Variants in DENND1A observed in about 807,000 individuals in gnomAD.
DENND1A encodes the protein DENN domain-containing protein 1A.
A neutral mutation model predicts 113.7 loss-of-function variants in DENND1A; 51 were observed. The ratio of observed to expected loss-of-function variants is 0.45; its 90% CI spans 0.36 to 0.57. The LOEUF (loss-of-function observed/expected upper bound fraction) is 0.57. Ranked by LOEUF, DENND1A falls within the 20% of genes least tolerant of loss-of-function variation. The pLI, the probability that DENND1A is intolerant of heterozygous loss-of-function variation, is 0.00. For missense variants in DENND1A, 1,258 were observed against 1,395.9 expected (o/e 0.90, Z 1.57); for synonymous variants, 565 against 570.8 (o/e 0.99, Z 0.14).
Position 123,717,129 on chromosome 9 carries a change from C to A in DENND1A, c.303-40340G>T, listed in dbSNP as rs546245409. Among the ~76,000 whole-genome samples, 4 of 152,216 alleles carry A rather than the reference C, an allele frequency of 2.6e-5. No homozygotes were observed. In the South Asian group the frequency reaches 8.3e-4, roughly 32 times the overall value. ...AAATTTATTTGAGAGACCCGGTGGCCAGGCAACCCAGATACTACTATCAGA... is the reference window on the plus strand; with the variant it reads ...AAATTTATTTGAGAGACCCGGTGGCAAGGCAACCCAGATACTACTATCAGA... On this transcript the variant is annotated intron_variant, in intron 5 of 23. Coordinates refer to ENST00000394215, the MANE Select transcript of DENND1A (RefSeq NM_001352964.2).
intron 9 of DENND1A, among the ~76,000 whole-genome samples, chr9:123,638,263 A>G (rs573100914): frequency 1.3e-5 from 2 of 152,312 alleles, no homozygotes; most frequent in South Asian, 4.1e-4. Context: ...CACACTGTAA[A>G]TAAGCCCACA....
intron 5 of DENND1A, among the ~76,000 whole-genome samples, chr9:123,748,647 G>T (rs768392425): frequency 6.6e-6 from 1 of 152,164 alleles, no homozygotes; most frequent in East Asian, 1.9e-4. Context: ...TAGGAGTGAG[G>T]TGTATTTTGA....
At chr9:123,774,093 T>C (rs1830123709) in intron 3 of DENND1A, among the ~76,000 whole-genome samples, 1 of 152,166 alleles carries the variant, frequency 6.6e-6, no homozygotes, top group Non-Finnish European at 1.5e-5. Flanking sequence ...TTTCAAAATG[T>C]AGGTGTGTGA....
intron 2 of DENND1A, among the ~76,000 whole-genome samples, chr9:123,805,678 C>A (rs1835424190): frequency 6.6e-6 from 1 of 152,030 alleles, no homozygotes; most frequent in South Asian, 2.1e-4. Flanking sequence ...AAGTGACCTG[C>A]CCACCTTGAC....
At chr9:123,611,286 C>T (rs1480919037) in intron 10 of DENND1A, among the ~76,000 whole-genome samples, 2 of 151,998 alleles carry the variant, frequency 1.3e-5, no homozygotes, top group South Asian at 2.1e-4. Flanking sequence ...AACTGTAAAC[C>T]ATTAGTTTAG....
intron 1 of DENND1A, among the ~76,000 whole-genome samples, chr9:123,923,331 G>A (rs1564514794): frequency 1.3e-5 from 2 of 152,302 alleles, no homozygotes; most frequent in South Asian, 2.1e-4. Context: ...GAGCACTAAC[G>A]ATGGAGAGCT....
intron 1 of DENND1A, among the ~76,000 whole-genome samples, chr9:123,922,373 T>C (rs1856416965): frequency 6.6e-6 from 1 of 152,206 alleles, no homozygotes; most frequent in Non-Finnish European, 1.5e-5. Flanking sequence ...AAAGTGAGCA[T>C]ACATCTGATA....
intron 13 of DENND1A, among the ~76,000 whole-genome samples, chr9:123,543,753 G>A (rs556036544): frequency 8.9e-4 from 136 of 152,278 alleles, no homozygotes; most frequent in African/African-American, 3.0e-3. Context: ...AAGCTTCCCC[G>A]CAGCACCCAA....
chr9:123,717,464 G>A (rs777213042), intron 5 of DENND1A, among the ~76,000 whole-genome samples: 16 of 152,230 alleles, frequency 1.1e-4, no homozygotes, highest in Non-Finnish European at 1.9e-4. Context: ...AGATTACACA[G>A]TTACTGGGTA....
intron 10 of DENND1A, among the ~76,000 whole-genome samples, chr9:123,615,993 G>A (rs1023320137): frequency 7.9e-5 from 12 of 152,114 alleles, no homozygotes; most frequent in African/African-American, 2.4e-4. Flanking sequence ...GCAGTGGTGC[G>A]ATCTTGGCCC....
chr9:123,800,229 G>A (rs1393247834), intron 2 of DENND1A, among the ~76,000 whole-genome samples: 1 of 152,226 alleles, frequency 6.6e-6, no homozygotes, highest in African/African-American at 2.4e-5. Flanking sequence ...AGGTGAATCT[G>A]TATAAATTGA....
chr9:123,823,808 G>C (rs1300167853), intron 2 of DENND1A, among the ~76,000 whole-genome samples: 4 of 152,122 alleles, frequency 2.6e-5, no homozygotes, highest in Non-Finnish European at 5.9e-5. Flanking sequence ...AGGTGAGTGA[G>C]TATGTAAGAC....
At chr9:123,890,090 C>G (rs1849682538) in intron 1 of DENND1A, among the ~76,000 whole-genome samples, 1 of 152,156 alleles carries the variant, frequency 6.6e-6, no homozygotes, top group African/African-American at 2.4e-5. Flanking sequence ...ACATATGTTT[C>G]TGAAGCTGAT....
chr9:123,587,101 T>C (rs2059210184), intron 11 of DENND1A, among the ~76,000 whole-genome samples: 1 of 151,634 alleles, frequency 6.6e-6, no homozygotes, highest in South Asian at 2.1e-4. Context: ...GTGCCAACAA[T>C]GCACTGGATA....
intron 13 of DENND1A, among the ~76,000 whole-genome samples, chr9:123,473,967 G>A (rs956664824): frequency 4.0e-5 from 6 of 150,494 alleles, no homozygotes; most frequent in African/African-American, 1.2e-4. Flanking sequence ...TGTAAAATGG[G>A]GTAACGTTTA....
intron 13 of DENND1A, among the ~76,000 whole-genome samples, chr9:123,461,390 G>A (rs1160393133): frequency 6.6e-6 from 1 of 152,194 alleles, no homozygotes; most frequent in Non-Finnish European, 1.5e-5. Context: ...GAAATGAGTT[G>A]AACCCTGCTT....
At chr9:123,925,333 C>T (rs984413268) in intron 1 of DENND1A, among the ~76,000 whole-genome samples, 3 of 152,164 alleles carry the variant, frequency 2.0e-5, no homozygotes, top group African/African-American at 7.2e-5. Flanking sequence ...TCAGCTGAAA[C>T]ATGATCCCCT....
At chr9:123,607,860 G>A (rs967342724) in intron 11 of DENND1A, among the ~76,000 whole-genome samples, 1 of 152,008 alleles carries the variant, frequency 6.6e-6, no homozygotes, top group Non-Finnish European at 1.5e-5. Context: ...CTGTGCTGGA[G>A]CAGTCTGGAA....
intron 10 of DENND1A, among the ~76,000 whole-genome samples, chr9:123,627,141 C>T (rs2061259952): frequency 6.6e-6 from 1 of 152,210 alleles, no homozygotes; most frequent in Non-Finnish European, 1.5e-5. Flanking sequence ...CAAGGTTAGG[C>T]AGCACCACTC....
Sources: gnomAD v4.1 joint callset for allele counts (sites outside exome capture counted in the v4.1 genomes callset) on GRCh38, gnomAD v4.1.1 for gene constraint, MANE v1.5 for transcripts, NCBI Gene and HGNC (gene_info 2026-07-23, HGNC 2026-07-21) for gene names.